RALYL: variants seen among roughly 807,000 people sequenced by gnomAD.
RALYL encodes RNA-binding Raly-like protein.
Under a neutral mutation model 35.1 loss-of-function variants are expected in RALYL, and 29 were observed. That is an observed-to-expected ratio of 0.83 (90% CI 0.61 to 1.13). RALYL has a LOEUF of 1.13. Among genes scored for constraint, RALYL ranks in the 50% most tolerant of loss-of-function variants. The pLI is 0.00. For synonymous variants in RALYL, 120 were observed against 127.6 expected, an observed-to-expected ratio of 0.94 and a Z score of 0.40; for missense variants, 359 against 360.4, an observed-to-expected ratio of 1.00 and a Z score of 0.03.
chr8:84,364,561 A>G (rs1033763165), intron 1 of RALYL, among the ~76,000 whole-genome samples: 11 of 152,154 alleles, frequency 7.2e-5, no homozygotes, highest in Non-Finnish European at 1.3e-4. Context: ...TAATAACATG[A>G]AAAGTATGAC....
chr8:84,248,248 C>G (rs909249834), intron 1 of RALYL, among the ~76,000 whole-genome samples: 1 of 152,012 alleles, frequency 6.6e-6, no homozygotes, highest in African/African-American at 2.4e-5. Context: ...ATAAATTGGC[C>G]AGGTGTAGGC....
chr8:84,783,381 C>A (rs1432618231), intron 3 of RALYL, among the ~76,000 whole-genome samples: 1 of 152,104 alleles, frequency 6.6e-6, no homozygotes. Flanking sequence ...AGACTGAAGA[C>A]CGAAAGAGAT....
chr8:84,373,995 T>A (rs1856439085), intron 1 of RALYL, among the ~76,000 whole-genome samples: 1 of 152,042 alleles, frequency 6.6e-6, no homozygotes, highest in Non-Finnish European at 1.5e-5. Flanking sequence ...TGTTTGTGAT[T>A]TGGATATGAG....
In RALYL at chr8:84,867,262, C is replaced by A. The variant is rs551746678; in HGVS notation, c.571+4809C>A. On this transcript the variant is annotated intron_variant, in intron 6 of 8. Coordinates refer to ENST00000521268, the MANE Select transcript of RALYL (RefSeq NM_173848.7). Reference sequence around the variant, plus strand: ...GCATCACCTGTCCTCTAACTTCAGGCCAGTTGTTCGTTTTTTTATTATGGG... The same window carrying A: ...GCATCACCTGTCCTCTAACTTCAGGACAGTTGTTCGTTTTTTTATTATGGG... 3.5e-4 allele frequency among the ~76,000 whole-genome samples: 53 copies of A among 152,234 alleles called. 1 individual carries two copies. In the South Asian group the frequency reaches 0.01, roughly 30 times the overall value.
intron 1 of RALYL, among the ~76,000 whole-genome samples, chr8:84,383,751 G>A: frequency 6.7e-6 from 1 of 149,512 alleles, no homozygotes; most frequent in Non-Finnish European, 1.5e-5. Flanking sequence ...AGAAAAAAGA[G>A]GATGGGGTGA....
intron 4 of RALYL, among the ~76,000 whole-genome samples, chr8:84,845,486 G>A (rs994835183): frequency 8.5e-5 from 13 of 152,130 alleles, no homozygotes; most frequent in Non-Finnish European, 1.6e-4. Flanking sequence ...AGAAGTGTCT[G>A]TTCATGTCTT....
intron 7 of RALYL, among the ~76,000 whole-genome samples, chr8:84,884,138 C>T (rs1471895215): frequency 6.6e-6 from 1 of 152,014 alleles, no homozygotes; most frequent in African/African-American, 2.4e-5. Context: ...TGAATTGTGC[C>T]TTTCAGTTTA....
At chr8:84,828,394 C>A (rs1830150193) in intron 4 of RALYL, among the ~76,000 whole-genome samples, 1 of 151,944 alleles carries the variant, frequency 6.6e-6, no homozygotes, top group African/African-American at 2.4e-5. Context: ...AAATTCACAG[C>A]ATATCCCATC....
At chr8:84,436,767 A>G (rs1165332672) in intron 1 of RALYL, among the ~76,000 whole-genome samples, 1 of 151,480 alleles carries the variant, frequency 6.6e-6, no homozygotes, top group Non-Finnish European at 1.5e-5. Context: ...ATTATAATAA[A>G]CATATCCATG....
chr8:84,293,226 GAAA>G (rs1839102300), intron 1 of RALYL, among the ~76,000 whole-genome samples: 1 of 152,026 alleles, frequency 6.6e-6, no homozygotes, highest in Non-Finnish European at 1.5e-5. Context: ...AAAATAGGAA[GAAA>G]AAGAGAGCGA....
intron 1 of RALYL, among the ~76,000 whole-genome samples, chr8:84,375,106 A>T (rs1385124991): frequency 6.6e-6 from 1 of 151,888 alleles, no homozygotes; most frequent in Non-Finnish European, 1.5e-5. Context: ...ATACAGACAC[A>T]TAATGTGTAA....
At chr8:84,212,505 G>A (rs1819739641) in intron 1 of RALYL, among the ~76,000 whole-genome samples, 1 of 152,028 alleles carries the variant, frequency 6.6e-6, no homozygotes, top group South Asian at 2.1e-4. Context: ...TGTATCCCAG[G>A]CTTAAAATGA....
At chr8:84,562,844 T>G (rs2061552428) in intron 2 of RALYL, among the ~76,000 whole-genome samples, 1 of 151,880 alleles carries the variant, frequency 6.6e-6, no homozygotes, top group Non-Finnish European at 1.5e-5. Flanking sequence ...TCTACCAAGG[T>G]GATCAGAGAC....
intron 2 of RALYL, among the ~76,000 whole-genome samples, chr8:84,597,167 A>G (rs1715590097): frequency 6.6e-6 from 1 of 152,144 alleles, no homozygotes; most frequent in African/African-American, 2.4e-5. Flanking sequence ...AGTTTTTCTA[A>G]AGTAATGAAA....
At chr8:84,252,274 T>G (rs754166251) in intron 1 of RALYL, among the ~76,000 whole-genome samples, 5 of 152,148 alleles carry the variant, frequency 3.3e-5, no homozygotes, top group Admixed American at 6.6e-5. Context: ...TTATTTTATT[T>G]ATAGGTAGCC....
chr8:84,326,169 C>T (rs1033704371), intron 1 of RALYL, among the ~76,000 whole-genome samples: 1 of 152,178 alleles, frequency 6.6e-6, no homozygotes, highest in African/African-American at 2.4e-5. Context: ...GATTTATTCA[C>T]TATTAACAAT....
intron 2 of RALYL, among the ~76,000 whole-genome samples, chr8:84,652,907 G>A (rs1475144960): frequency 6.6e-6 from 1 of 152,046 alleles, no homozygotes; most frequent in Admixed American, 6.6e-5. Context: ...ATTTAATCAA[G>A]ATTCAGACAT....
intron 2 of RALYL, among the ~76,000 whole-genome samples, chr8:84,690,604 T>G (rs1402455197): frequency 6.6e-6 from 1 of 152,122 alleles, no homozygotes; most frequent in African/African-American, 2.4e-5. Context: ...AATTATAAAT[T>G]GTAAATATAT....
intron 1 of RALYL, among the ~76,000 whole-genome samples, chr8:84,459,332 C>A (rs973783394): frequency 6.6e-6 from 1 of 151,306 alleles, no homozygotes; most frequent in African/African-American, 2.4e-5. Context: ...CATAACAAGG[C>A]GAATAGGAAA....
Sources: gnomAD v4.1 joint callset for allele counts (sites outside exome capture counted in the v4.1 genomes callset) on GRCh38, gnomAD v4.1.1 for gene constraint, MANE v1.5 for transcripts, NCBI Gene and HGNC (gene_info 2026-07-23, HGNC 2026-07-21) for gene names.